The following ANKRD13D variants were observed in gnomAD, a reference collection of about 807,000 sequenced individuals.
ANKRD13D encodes ankyrin repeat domain 13D, also known as ankyrin repeat domain-containing protein 13D.
Under a neutral mutation model 68.8 loss-of-function variants are expected in ANKRD13D, and 24 were observed. That is an observed-to-expected ratio of 0.35 (90% CI 0.25 to 0.49). ANKRD13D has a LOEUF of 0.49. ANKRD13D is among the 20% of genes least tolerant of loss of function. ANKRD13D has a pLI of 0.99. For synonymous variants in ANKRD13D, 331 were observed against 336.1 expected, an observed-to-expected ratio of 0.98 and a Z score of 0.16; for missense variants, 735 against 832.1, an observed-to-expected ratio of 0.88 and a Z score of 1.44.
At position 67,300,540 on chromosome 11, in the gene ANKRD13D, A is replaced by C; in HGVS notation, c.1073+417A>C. 2 of 332,784 alleles carry C rather than the reference A, an allele frequency of 6.0e-6. No homozygotes were observed. The highest frequency in any genetic ancestry group is 5.6e-5 in the East Asian group (1 of 17,906). The allele number at this position is 332,784 out of a possible 1,614,324, so 20.6% of individuals were successfully genotyped here. On this transcript the variant is annotated intron_variant, in intron 10 of 14. Coordinates refer to ENST00000511455, the MANE Select transcript of ANKRD13D (RefSeq NM_207354.3). The surrounding 1 kb of genome is among the most constrained non-coding windows in gnomAD (Gnocchi z 4.3). ...GCAGGCACAGTGCCTGCACAAGCCT[A>C]GCGCTCTCCCCACCATCTCAGGAGG... is the stretch of plus-strand genomic sequence containing the variant.
chr11:67,298,300 G>A (rs762253329), intron 6 of ANKRD13D: 1 of 151,982 alleles, frequency 6.6e-6, no homozygotes, highest in Non-Finnish European at 1.5e-5. Context: ...CTGACCTCAT[G>A]ATCCACCCCC....
In ANKRD13D at chr11:67,300,216, C is replaced by A; in HGVS notation, c.1073+93C>A. 1 of 1,544,074 alleles carries A rather than the reference C, an allele frequency of 6.5e-7. No individual in the cohort carries two copies. Among genetic ancestry groups the A allele is most frequent in the Non-Finnish European group, 8.8e-7 (1 of 1,136,590 alleles). On this transcript the variant is annotated intron_variant, in intron 10 of 14. Coordinates refer to ENST00000511455, the MANE Select transcript of ANKRD13D (RefSeq NM_207354.3). The surrounding 1 kb of genome is among the most constrained non-coding windows in gnomAD (Gnocchi z 4.3). ...TGTCATAGTTAGGGACCCACTCCCT[C>A]GGCTGGCTTCTCTCTGGACTCCACT...
At chr11:67,294,187 T>G (rs1014407333) in intron 6 of ANKRD13D, among the ~76,000 whole-genome samples, 3 of 152,240 alleles carry the variant, frequency 2.0e-5, no homozygotes, top group African/African-American at 7.2e-5. Context: ...ACTTTGTTTT[T>G]CTTTTTCAGG....
chr11:67,299,604 G>C lies in ANKRD13D; in HGVS notation c.873G>C (p.Arg291Ser). 2 of 1,551,130 alleles carry C rather than the reference G, an allele frequency of 1.3e-6. No individual in the cohort carries two copies. Among genetic ancestry groups the C allele is most frequent in the Non-Finnish European group, 1.7e-6 (2 of 1,146,934 alleles). The change falls in exon 8 of 15, where the codon AGG becomes AGC. Residue 291 changes from arginine (R) to serine (S), a missense_variant. Physicochemically the swap from Arg to Ser is moderately radical, Grantham distance 110. Coordinates refer to ENST00000511455, the MANE Select transcript of ANKRD13D (RefSeq NM_207354.3). The surrounding 1 kb of genome is among the most constrained non-coding windows in gnomAD (Gnocchi z 6.2). ...TEHLSDQDKSRSKAGKTPFQS... is the reference protein window; with the variant it reads ...TEHLSDQDKSSSKAGKTPFQS... ...ACCTCTCTGATCAGGACAAGTCGAG[G>C]AGCAAAGGTAAACCCAGGTGCGCCT...
In ANKRD13D at chr11:67,301,653, T is replaced by A; in HGVS notation, c.1512+2T>A. Reference sequence around the variant, plus strand: ...GAAGCGGGCACTGAGGCGGAGCAGGTGGGACTTGCCCAGGGGGTGGGCTCT... The same window carrying A: ...GAAGCGGGCACTGAGGCGGAGCAGGAGGGACTTGCCCAGGGGGTGGGCTCT... On this transcript the variant is annotated splice_donor_variant, in intron 13 of 14. Coordinates refer to ENST00000511455, the MANE Select transcript of ANKRD13D (RefSeq NM_207354.3). LOFTEE classifies it high-confidence loss of function. The surrounding 1 kb of genome is among the most constrained non-coding windows in gnomAD (Gnocchi z 4.5). The A allele has an allele frequency of 6.2e-7, 1 of 1,611,804 alleles. No homozygotes were observed. Among genetic ancestry groups the A allele is most frequent in the Non-Finnish European group, 8.5e-7 (1 of 1,179,682 alleles).
rs1860482547 is a variant in ANKRD13D at position 67,290,360 on chromosome 11, G to C, written c.265G>C (p.Val89Leu). ...AGTCAGCACTGGAGACCCCGAGATGGTGCAGCTGGTGCTCCAGTATCGGGA... is the reference window on the plus strand; with the variant it reads ...AGTCAGCACTGGAGACCCCGAGATGCTGCAGCTGGTGCTCCAGTATCGGGA... ...EAVSTGDPEM[V>L]QLVLQYRDYQ... Residue 89 changes from valine (V) to leucine (L), a missense_variant, in exon 3 of 15, where the codon GTG becomes CTG. By Grantham distance (32) the Val-to-Leu change is conservative (BLOSUM62 1). Transcript: ENST00000511455. The C allele has an allele frequency of 6.4e-7, 1 of 1,574,466 alleles. No individual in the cohort carries two copies. The highest frequency in any genetic ancestry group is 1.9e-5 in the Admixed American group (1 of 53,592).
At position 67,301,719 on chromosome 11, in the gene ANKRD13D, C is replaced by T. The variant is rs777311712; in HGVS notation, c.1513-13C>T. 6 of 1,611,524 alleles carry T rather than the reference C, an allele frequency of 3.7e-6. No homozygotes were observed. In the South Asian group the frequency reaches 6.6e-5, roughly 18 times the overall value. Reference sequence around the variant, plus strand: ...ACGGCAGAAGTGACAGCTGTGGGCTCTGGTGGCTGCAGGTGACCGTCTGGG... The same window carrying T: ...ACGGCAGAAGTGACAGCTGTGGGCTTTGGTGGCTGCAGGTGACCGTCTGGG... On this transcript the variant is annotated splice_polypyrimidine_tract_variant and intron_variant, in intron 13 of 14. Transcript: ENST00000511455. The surrounding 1 kb of genome is among the most constrained non-coding windows in gnomAD (Gnocchi z 4.5).
Position 67,302,411 on chromosome 11 carries a change from G to A in ANKRD13D, c.*79G>A. ...ATTTATTTATAAACTCTCTGCTGCTGAGCTTGGGGCCTGGAGCCCCAGGAA... is the reference window on the plus strand; with the variant it reads ...ATTTATTTATAAACTCTCTGCTGCTAAGCTTGGGGCCTGGAGCCCCAGGAA... On this transcript the variant is annotated 3_prime_UTR_variant, in exon 15 of 15. Transcript: ENST00000511455. 1.4e-6 allele frequency: 2 copies of A among 1,435,872 alleles called. No individual in the cohort carries two copies. The highest frequency in any genetic ancestry group is 2.4e-4 in the Middle Eastern group (1 of 4,128). 88.9% of individuals were successfully genotyped at this position (1,435,872 alleles called of 1,614,324 possible). A position where few individuals can be genotyped will look rare whatever the true frequency, so the allele number is the denominator to read the frequency against.
At position 67,302,186 on chromosome 11, in the gene ANKRD13D, C is replaced by G. The variant is rs776760173; in HGVS notation, c.1672C>G (p.Pro558Ala). Residue 558 changes from proline to alanine, a missense_variant, in exon 15 of 15, where the codon CCA becomes GCA. Physicochemically the swap from Pro to Ala is conservative, Grantham distance 27 (BLOSUM62 -1). Transcript: ENST00000511455. ...RGPGSPPRTP[P>A]APGPPSFEEQ... ...CCCAGGATCCCCTCCCAGGACACCC[C>G]CAGCCCCCGGTCCACCCAGCTTTGA... 4.1e-5 allele frequency: 65 copies of G among 1,594,350 alleles called. No individual in the cohort carries two copies. Among genetic ancestry groups the G allele is most frequent in the Non-Finnish European group, 5.5e-5 (64 of 1,171,350 alleles).
chr11:67,299,546 A>T lies in ANKRD13D; in HGVS notation c.815A>T (p.Asn272Ile). 2 of 1,550,884 alleles carry T rather than the reference A, an allele frequency of 1.3e-6. No individual in the cohort carries two copies. Among genetic ancestry groups the T allele is most frequent in the South Asian group, 1.2e-5 (1 of 84,058 alleles). ...GCTCCCCAGGTGTACAGTGCCACCA[A>T]CGTGGAGCTGGTGACACGCACACGC... ...GYEAKVYSAT[N>I]VELVTRTRTE... The change falls in exon 8 of 15, where the codon AAC becomes ATC. Residue 272 changes from asparagine to isoleucine, a missense_variant. Coordinates refer to ENST00000511455, the MANE Select transcript of ANKRD13D (RefSeq NM_207354.3). This position sits in a 1 kb window ranked among gnomAD's most constrained non-coding sequence, Gnocchi z 6.2.
Position 67,301,969 on chromosome 11 carries a change from A to G in ANKRD13D, c.1604+146A>G. On this transcript the variant is annotated intron_variant, in intron 14 of 14. Coordinates refer to ENST00000511455, the MANE Select transcript of ANKRD13D (RefSeq NM_207354.3). The surrounding 1 kb of genome is among the most constrained non-coding windows in gnomAD (Gnocchi z 4.5). ...GCTATCTGCCACCAAAGGTGGTGTG[A>G]GGGGTGGGGAAGCAGGGCCCTGCCT... 1 of 1,329,700 alleles carries G rather than the reference A, an allele frequency of 7.5e-7. No homozygotes were observed. The highest frequency in any genetic ancestry group is 1.0e-6 in the Non-Finnish European group (1 of 988,538). 82.4% of individuals were successfully genotyped at this position (1,329,700 alleles called of 1,614,324 possible).
chr11:67,295,029 A>C (rs969865608), intron 6 of ANKRD13D, among the ~76,000 whole-genome samples: 5 of 151,994 alleles, frequency 3.3e-5, no homozygotes, highest in Admixed American at 6.6e-5. Context: ...CTGTAAATAG[A>C]TTTAGTTGTA....
In ANKRD13D at chr11:67,289,323, T is replaced by C. The variant is rs1458401834; in HGVS notation, c.-138T>C. On this transcript the variant is annotated 5_prime_UTR_variant, in exon 1 of 15. Coordinates refer to ENST00000511455, the MANE Select transcript of ANKRD13D (RefSeq NM_207354.3). ...GCCCCGCCCTCCCTGCCGCCCGCGC[T>C]GCCGCCGCCGCCGCCGCCGCCGCTA... 5.3e-6 allele frequency: 2 copies of C among 378,156 alleles called. No homozygotes were observed. The highest frequency in any genetic ancestry group is 9.9e-5 in the South Asian group (1 of 10,052). 23.4% of individuals were successfully genotyped at this position (378,156 alleles called of 1,614,324 possible). A position where few individuals can be genotyped will look rare whatever the true frequency, so the allele number is the denominator to read the frequency against.
rs1031097576 is a variant in ANKRD13D, at chr11:67,300,353, T to A, written c.1073+230T>A. The A allele has an allele frequency of 1.8e-6, 1 of 561,622 alleles. No homozygotes were observed. Among genetic ancestry groups the A allele is most frequent in the African/African-American group, 1.9e-5 (1 of 52,722 alleles). The allele number at this position is 561,622 out of a possible 1,614,324, so 34.8% of individuals were successfully genotyped here. A position where few individuals can be genotyped will look rare whatever the true frequency, so the allele number is the denominator to read the frequency against. On this transcript the variant is annotated intron_variant, in intron 10 of 14. Transcript: ENST00000511455. The surrounding 1 kb of genome is among the most constrained non-coding windows in gnomAD (Gnocchi z 4.3). ...TGATGAATGGATGGTGCCACCCATG[T>A]ATGGTTTTCTATTGAATTTCATGAG... is the stretch of plus-strand genomic sequence containing the variant.
Position 67,301,003 on chromosome 11 carries a change from C to T in ANKRD13D, c.1087C>T (p.Leu363=), listed in dbSNP as rs1283142453. The change falls in exon 11 of 15, where the codon CTG becomes TTG. Residue 363 remains leucine, a synonymous_variant. Coordinates refer to ENST00000511455, the MANE Select transcript of ANKRD13D (RefSeq NM_207354.3). This position sits in a 1 kb window ranked among gnomAD's most constrained non-coding sequence, Gnocchi z 4.5. ...TCGGCTGGGCAGGTTCAAGGCAACA[C>T]TGTGGCTGAGTGAAGAGCACCCGCT... The part of the protein sequence containing the change: ...SSKVQRFKAT[L]WLSEEHPLSL... 1.2e-6 allele frequency: 2 copies of T among 1,613,766 alleles called. No individual in the cohort carries two copies. Among genetic ancestry groups the T allele is most frequent in the Non-Finnish European group, 1.7e-6 (2 of 1,180,012 alleles).
chr11:67,301,304 C>G lies in ANKRD13D; in HGVS notation c.1254C>G (p.Leu418=), dbSNP rs1477660989. 6.2e-7 allele frequency: 1 copy of G among 1,613,252 alleles called. No individual in the cohort carries two copies. Among genetic ancestry groups the G allele is most frequent in the African/African-American group, 1.3e-5 (1 of 75,040 alleles). Residue 418 remains leucine (L), a synonymous_variant, in exon 12 of 15, where the codon CTC becomes CTG. Coordinates refer to ENST00000511455, the MANE Select transcript of ANKRD13D (RefSeq NM_207354.3). This position sits in a 1 kb window ranked among gnomAD's most constrained non-coding sequence, Gnocchi z 4.5. ...VKIEIPLFHV[L]NARITFSNLC... is the part of the protein sequence containing the mutation. The stretch of plus-strand genomic sequence containing the variant: ...CAGAGATTCCCCTTTTCCACGTGCT[C>G]AATGCCCGCATCACCTTCAGCAACC...
rs765953329 is a variant in ANKRD13D, at chr11:67,300,039, C to T, written c.989C>T (p.Ser330Phe). The change falls in exon 10 of 15, where the codon TCC (serine) becomes TTC (phenylalanine). Residue 330 changes from serine to phenylalanine, a missense_variant. Physicochemically the swap from Ser to Phe is radical, Grantham distance 155. Coordinates refer to ENST00000511455, the MANE Select transcript of ANKRD13D (RefSeq NM_207354.3). The surrounding 1 kb of genome is among the most constrained non-coding windows in gnomAD (Gnocchi z 4.3). ...AGCCCCACCAACCCCACAGCCATCTCCCCTGAGGAGTACTTCGACCCCAAC... is the reference window on the plus strand; with the variant it reads ...AGCCCCACCAACCCCACAGCCATCTTCCCTGAGGAGTACTTCGACCCCAAC... Reference protein sequence around the residue: ...AASPTNPTAISPEEYFDPNFS... With the variant: ...AASPTNPTAIFPEEYFDPNFS... 87 of 1,613,944 alleles carry T rather than the reference C, an allele frequency of 5.4e-5. No individual in the cohort carries two copies. Among genetic ancestry groups the T allele is most frequent in the Non-Finnish European group, 4.9e-5 (58 of 1,179,978 alleles).
At chr11:67,293,103 G>A (rs1860641962) in intron 6 of ANKRD13D, among the ~76,000 whole-genome samples, 1 of 152,136 alleles carries the variant, frequency 6.6e-6, no homozygotes, top group Admixed American at 6.6e-5. Context: ...GCCACTCTAA[G>A]TATTCATGTG....
intron 3 of ANKRD13D, chr11:67,291,263 G>A (rs1328450817): frequency 1.8e-6 from 1 of 563,900 alleles, no homozygotes; most frequent in East Asian, 3.2e-5. Context: ...AGGCTGAGGT[G>A]GAAGAATCAC....
Sources: gnomAD v4.1 joint callset for allele counts (sites outside exome capture counted in the v4.1 genomes callset) on GRCh38, gnomAD v4.1.1 for gene constraint, Gnocchi (gnomAD v3.1) non-coding constraint, MANE v1.5 for transcripts, NCBI Gene and HGNC (gene_info 2026-07-23, HGNC 2026-07-21) for gene names.